The following SNTG1 variants were observed in gnomAD, a reference collection of about 807,000 sequenced individuals.
The protein encoded by SNTG1 is gamma-1-syntrophin.
In SNTG1, 39 loss-of-function variants were observed where a neutral mutation model predicts 74.7. That is an observed-to-expected ratio of 0.52 (90% CI 0.40 to 0.68). The LOEUF (loss-of-function observed/expected upper bound fraction) is 0.68. Among genes scored for constraint, SNTG1 ranks in the 30% least tolerant of loss-of-function variants. The pLI is 0.00. For missense variants in SNTG1, 685 were observed against 609.5 expected (o/e 1.12, Z -1.30); for synonymous variants, 254 against 217.1 (o/e 1.17, Z -1.49).
At chr8:50,705,670 A>G (rs1488094933) in intron 16 of SNTG1, among the ~76,000 whole-genome samples, 1 of 152,064 alleles carries the variant, frequency 6.6e-6, no homozygotes, top group African/African-American at 2.4e-5. Flanking sequence ...TTATCTTATC[A>G]TGTGCCAACC....
chr8:50,682,328 G>A (rs945604895), intron 15 of SNTG1, among the ~76,000 whole-genome samples: 1 of 151,872 alleles, frequency 6.6e-6, no homozygotes, highest in African/African-American at 2.4e-5. Context: ...GGAGTGGCGG[G>A]GTGGGTAGTT....
chr8:50,738,494 T>C (rs2095534643), intron 17 of SNTG1, among the ~76,000 whole-genome samples: 1 of 152,278 alleles, frequency 6.6e-6, no homozygotes, highest in East Asian at 1.9e-4. Context: ...CAAAGTAATT[T>C]ATAGATTCAA....
intron 18 of SNTG1, among the ~76,000 whole-genome samples, chr8:50,759,933 G>T (rs1378545911): frequency 6.6e-6 from 1 of 152,032 alleles, no homozygotes; most frequent in Non-Finnish European, 1.5e-5. Context: ...AATTACTTTG[G>T]GCATGTGGCC....
intron 1 of SNTG1, among the ~76,000 whole-genome samples, chr8:50,075,040 G>A (rs1171510898): frequency 6.6e-6 from 1 of 152,204 alleles, no homozygotes; most frequent in Non-Finnish European, 1.5e-5. Context: ...GGGTCCCCCA[G>A]CACTGCCGGC....
chr8:50,243,886 T>G (rs960585446), intron 2 of SNTG1, among the ~76,000 whole-genome samples: 2 of 152,200 alleles, frequency 1.3e-5, no homozygotes, highest in Non-Finnish European at 2.9e-5. Flanking sequence ...TGAGATAACC[T>G]TAGAAGACTG....
At chr8:50,739,221 AAAAC>A (rs1296622791) in intron 17 of SNTG1, among the ~76,000 whole-genome samples, 2 of 152,138 alleles carry the variant, frequency 1.3e-5, no homozygotes, top group East Asian at 1.9e-4. Context: ...TTACAAGAAA[AAAAC>A]AAACAACCCC....
At chr8:49,951,478 G>A (rs1398899824) in intron 1 of SNTG1, among the ~76,000 whole-genome samples, 1 of 151,998 alleles carries the variant, frequency 6.6e-6, no homozygotes. Context: ...CTGTTAATGG[G>A]AAACCTGATT....
intron 13 of SNTG1, among the ~76,000 whole-genome samples, chr8:50,634,587 T>C (rs374766670): frequency 4.1e-4 from 62 of 152,348 alleles, no homozygotes; most frequent in African/African-American, 1.4e-3. Flanking sequence ...GGCATCATTT[T>C]TCAAAACTAT....
At chr8:49,985,705 TAACTC>T (rs1467553089) in intron 1 of SNTG1, among the ~76,000 whole-genome samples, 3 of 152,128 alleles carry the variant, frequency 2.0e-5, no homozygotes, top group African/African-American at 7.2e-5. Flanking sequence ...CTACTGCAAA[TAACTC>T]AGCAGAAGGG....
Position 50,231,704 on chromosome 8 carries a change from A to C in SNTG1, c.-28+59069A>C, listed in dbSNP as rs549619725. On this transcript the variant is annotated intron_variant, in intron 2 of 18. Coordinates refer to ENST00000642720, the MANE Select transcript of SNTG1 (RefSeq NM_018967.5). ...TAGAATAGAATAGAAAGGTGGTTAC[A>C]AAGGCTGGGGACTGGGGAGAATGGG... Among the ~76,000 whole-genome samples the C allele has an allele frequency of 2.6e-5, 4 of 151,466 alleles. No individual in the cohort carries two copies. In the East Asian group the frequency reaches 7.7e-4, roughly 29 times the overall value.
At chr8:50,019,867 T>A (rs2130660758) in intron 1 of SNTG1, among the ~76,000 whole-genome samples, 1 of 152,232 alleles carries the variant, frequency 6.6e-6, no homozygotes, top group Admixed American at 6.5e-5. Context: ...CTATCATGCA[T>A]GTCAAGAGAC....
intron 1 of SNTG1, among the ~76,000 whole-genome samples, chr8:49,999,053 T>C (rs532953884): frequency 6.6e-6 from 1 of 152,252 alleles, no homozygotes; most frequent in South Asian, 2.1e-4. Context: ...AGTGTTCAAC[T>C]CCTTTATAAT....
intron 2 of SNTG1, among the ~76,000 whole-genome samples, chr8:50,362,008 G>A (rs1051281511): frequency 1.4e-4 from 21 of 152,204 alleles, no homozygotes; most frequent in African/African-American, 5.1e-4. Flanking sequence ...GGATGAGTCA[G>A]TGAGTGAACA....
chr8:50,313,003 C>T (rs914132092), intron 2 of SNTG1, among the ~76,000 whole-genome samples: 5 of 149,486 alleles, frequency 3.3e-5, no homozygotes, highest in African/African-American at 1.3e-4. Flanking sequence ...TCTACAGATT[C>T]AATACAATCC....
rs186781455 is a variant in SNTG1, at chr8:49,991,384, C to T, written c.-103+79153C>T. ...CAGCCATCTGTGAAAACACTCTGGC[C>T]GTTCATTAAAGTGTTAAACTGTGAC... On this transcript the variant is annotated intron_variant, in intron 1 of 18. Coordinates refer to ENST00000642720, the MANE Select transcript of SNTG1 (RefSeq NM_018967.5). Among the ~76,000 whole-genome samples the T allele has an allele frequency of 3.6e-3, 549 of 152,232 alleles. 3 individuals are homozygous for T. The highest frequency in any genetic ancestry group is 0.012 in the African/African-American group (519 of 41,552).
chr8:50,498,566 G>T (rs1211386893), intron 8 of SNTG1, among the ~76,000 whole-genome samples: 2 of 151,804 alleles, frequency 1.3e-5, no homozygotes, highest in Non-Finnish European at 3.0e-5. Context: ...AAAGTATGTT[G>T]CATAGAAAAG....
At chr8:50,536,923 AAAG>A in intron 11 of SNTG1, 115 bp downstream of exon 11, 1 of 1,254,762 alleles carries the variant, frequency 8.0e-7, no homozygotes. Flanking sequence ...TTGATAGTAG[AAAG>A]AAGAGCTTCA....
intron 13 of SNTG1, among the ~76,000 whole-genome samples, chr8:50,598,523 A>ATGTT (rs2094748088): frequency 6.6e-6 from 1 of 151,912 alleles, no homozygotes; most frequent in Non-Finnish European, 1.5e-5. Context: ...TGATGCCTTA[A>ATGTT]CTTTGTTCTT....
intron 8 of SNTG1, among the ~76,000 whole-genome samples, chr8:50,451,361 A>G (rs956293657): frequency 2.0e-5 from 3 of 152,138 alleles, no homozygotes; most frequent in Admixed American, 2.0e-4. Context: ...GGGTGTTGGT[A>G]TCCTCTGGGG....
Sources: allele counts gnomAD v4.1 joint callset (sites outside exome capture counted in the v4.1 genomes callset), GRCh38; gene constraint gnomAD v4.1.1; transcripts MANE v1.5; gene names NCBI Gene and HGNC (gene_info 2026-07-23, HGNC 2026-07-21).